The following DMD variants were observed in gnomAD, a reference collection of about 807,000 sequenced individuals.
DMD encodes the protein dystrophin.
A neutral mutation model predicts 330.1 loss-of-function variants in DMD; 63 were observed. The ratio of observed to expected loss-of-function variants is 0.19; its 90% CI spans 0.16 to 0.24. DMD has a LOEUF of 0.24. DMD is among the 10% of genes least tolerant of loss of function. The pLI, the probability that DMD is intolerant of heterozygous loss-of-function variation, is 1.00. For missense variants in DMD, 3,344 were observed against 2,684.1 expected (o/e 1.25, Z -5.43); for synonymous variants, 1,223 against 959.8 (o/e 1.27, Z -5.07).
rs146186911 is a variant in DMD, at chrX:33,146,891, C to G, written c.31+64391G>C. ...AGGCTGCAGTGCAGTGGCTCAATCT[C>G]TGCTCACTGCAACCTCCGCCTCCCA... On this transcript the variant is annotated intron_variant, in intron 1 of 78. Transcript: ENST00000357033. Among the ~76,000 whole-genome samples, 578 of 110,491 alleles carry G rather than the reference C, an allele frequency of 5.2e-3. 6 individuals carry two copies. The highest frequency in any genetic ancestry group is 0.018 in the African/African-American group (550 of 30,325).
intron 62 of DMD, among the ~76,000 whole-genome samples, chrX:31,299,774 TAAAAAA>T (rs35813284): frequency 1.8e-5 from 1 of 56,929 alleles, no homozygotes; most frequent in African/African-American, 7.0e-5. Context: ...GACTCCGTCT[TAAAAAA>T]AAAAAAAAAA....
rs369035020 is a variant in DMD at position 31,200,919 on chromosome X, T to C, written c.9807+3042A>G. 1.4e-3 allele frequency among the ~76,000 whole-genome samples: 160 copies of C among 111,812 alleles called. 3 individuals are homozygous for C. In the South Asian group the frequency reaches 0.053, roughly 37 times the overall value. On this transcript the variant is annotated intron_variant, in intron 67 of 78. Coordinates refer to ENST00000357033, the MANE Select transcript of DMD (RefSeq NM_004006.3). ...GGCAGCACTTTACTAATTTTTTTTC[T>C]AATTATAAATGTTCAAAGAAGAAAA...
In DMD at chrX:32,896,921, G is replaced by GA. The variant is rs1443133670; in HGVS notation, c.94-47102dup. Among the ~76,000 whole-genome samples, 10 of 112,273 alleles carry GA rather than the reference G, an allele frequency of 8.9e-5. No individual in the cohort carries two copies. In the East Asian group the frequency reaches 2.8e-3, roughly 31 times the overall value. ...GATGAAAAGTTAAACGTCAGCAATT[G>GA]AAACAACAAATATTCAGGACAAAGT... On this transcript the variant is annotated intron_variant, in intron 2 of 78. Transcript: ENST00000357033.
intron 60 of DMD, among the ~76,000 whole-genome samples, chrX:31,384,309 CA>C (rs2060331904): frequency 1.1e-5 from 1 of 91,313 alleles, no homozygotes; most frequent in Non-Finnish European, 2.3e-5. Context: ...TATCCTGCTT[CA>C]CTACTACTAC....
intron 19 of DMD, among the ~76,000 whole-genome samples, chrX:32,494,988 A>G (rs2043347217): frequency 9.0e-6 from 1 of 111,607 alleles, no homozygotes; most frequent in South Asian, 3.8e-4. Flanking sequence ...CTAAAATAAA[A>G]ATAAAAAGAG....
chrX:31,123,492 C>T (rs772669886), intron 78 of DMD, among the ~76,000 whole-genome samples: 1 of 111,984 alleles, frequency 8.9e-6, no homozygotes. Flanking sequence ...CACAGGAAGA[C>T]GACACAGTGG....
intron 67 of DMD, among the ~76,000 whole-genome samples, chrX:31,186,167 A>C (rs980657087): frequency 4.5e-5 from 5 of 112,112 alleles, no homozygotes; most frequent in Non-Finnish European, 9.4e-5. Context: ...AAACTGTTTA[A>C]CTTTGGATTT....
At chrX:31,437,143 G>GCCA (rs1223612339) in intron 60 of DMD, among the ~76,000 whole-genome samples, 2 of 111,631 alleles carry the variant, frequency 1.8e-5, no homozygotes, top group African/African-American at 3.3e-5. Context: ...CTGGAGAATT[G>GCCA]CCACATAATA....
intron 44 of DMD, among the ~76,000 whole-genome samples, chrX:32,027,424 A>C: frequency 9.0e-6 from 1 of 111,322 alleles, no homozygotes; most frequent in East Asian, 2.8e-4. Flanking sequence ...GACACTAGAG[A>C]TTATCAGTTG....
intron 41 of DMD, among the ~76,000 whole-genome samples, chrX:32,321,086 C>G (rs1175323454): frequency 1.8e-5 from 2 of 111,685 alleles, no homozygotes; most frequent in Non-Finnish European, 3.8e-5. Flanking sequence ...GTGAATTATA[C>G]ATAATTTGCA....
At chrX:32,379,917 C>T (rs1209375688) in intron 34 of DMD, among the ~76,000 whole-genome samples, 1 of 108,805 alleles carries the variant, frequency 9.2e-6, no homozygotes, top group African/African-American at 3.3e-5. Flanking sequence ...AATGAATAAA[C>T]AGTAAAAAAA....
At chrX:31,710,033 G>T (rs1030107630) in intron 52 of DMD, among the ~76,000 whole-genome samples, 2 of 111,858 alleles carry the variant, frequency 1.8e-5, no homozygotes, top group African/African-American at 3.2e-5. Flanking sequence ...ATAGCCTGGG[G>T]AGCTTGTTAT....
chrX:33,099,704 A>C (rs1412239588), intron 1 of DMD, among the ~76,000 whole-genome samples: 1 of 112,149 alleles, frequency 8.9e-6, no homozygotes, highest in Non-Finnish European at 1.9e-5. Flanking sequence ...TGTCGAGATT[A>C]AGATATTTAG....
intron 44 of DMD, among the ~76,000 whole-genome samples, chrX:32,148,267 C>T (rs1011546502): frequency 2.7e-5 from 3 of 111,277 alleles, no homozygotes; most frequent in African/African-American, 9.8e-5. Flanking sequence ...CTCAATTAAT[C>T]CATGTAAGTT....
At chrX:31,571,294 T>TGTGTGTGTGC (rs10667413) in intron 55 of DMD, among the ~76,000 whole-genome samples, 1 of 106,037 alleles carries the variant, frequency 9.4e-6, no homozygotes, top group Non-Finnish European at 2.0e-5. Context: ...TGTGTGTGTG[T>TGTGTGTGTGC]ATAGAAAACA....
intron 55 of DMD, among the ~76,000 whole-genome samples, chrX:31,538,941 A>C (rs1032917045): frequency 2.7e-5 from 3 of 111,226 alleles, no homozygotes; most frequent in Non-Finnish European, 3.8e-5. Context: ...ATTGTAGTAA[A>C]AGAGAAGGGT....
chrX:32,312,942 C>CAAAAAAAAAAAAAAAAAAAAAAAAA (rs767993498), intron 41 of DMD, among the ~76,000 whole-genome samples: 11 of 20,400 alleles, frequency 5.4e-4, no homozygotes, highest in East Asian at 6.2e-3. Flanking sequence ...GCCTACGAAC[C>CAAAAAAAAAAAAAAAAAAAAAAAAA]AAAAAAAAAA....
At position 32,645,039 on chromosome X, in the gene DMD, A is replaced by T; in HGVS notation, c.1074T>A (p.Ala358=). ...CTCCTTGTGCTTGCAATGTGTCCTCAGCAGAAAGAAGCCACGATAATACTT... is the reference window on the plus strand; with the variant it reads ...CTCCTTGTGCTTGCAATGTGTCCTCTGCAGAAAGAAGCCACGATAATACTT... ...LEEVLSWLLS[A]EDTLQAQGEI... The change falls in exon 10 of 79, where the codon GCT becomes GCA. Residue 358 remains alanine, a synonymous_variant. Transcript: ENST00000357033. 8.3e-7 allele frequency: 1 copy of T among 1,211,647 alleles called. No individual in the cohort carries two copies.
intron 7 of DMD, among the ~76,000 whole-genome samples, chrX:32,701,246 G>A (rs187878204): frequency 7.2e-4 from 80 of 111,639 alleles, no homozygotes; most frequent in African/African-American, 2.2e-3. Flanking sequence ...ATCATCTCCC[G>A]TTTTATTGTT....
Sources: gnomAD v4.1 joint callset for allele counts (sites outside exome capture counted in the v4.1 genomes callset) on GRCh38, gnomAD v4.1.1 for gene constraint, MANE v1.5 for transcripts, NCBI Gene and HGNC (gene_info 2026-07-23, HGNC 2026-07-21) for gene names.